The following SLC22A7 variants were observed in gnomAD, a reference collection of about 807,000 sequenced individuals.
SLC22A7 encodes the protein hOAT2.
Under a neutral mutation model 62.2 loss-of-function variants are expected in SLC22A7, and 48 were observed. That is an observed-to-expected ratio of 0.77 (90% confidence interval 0.61 to 0.98). The LOEUF (loss-of-function observed/expected upper bound fraction) is 0.98. Among genes scored for constraint, SLC22A7 ranks in the 50% least tolerant of loss-of-function variants. SLC22A7 has a pLI of 0.00. For synonymous variants in SLC22A7, 276 were observed against 314.8 expected, an observed-to-expected ratio of 0.88 and a Z score of 1.30; for missense variants, 581 against 703.8, an observed-to-expected ratio of 0.83 and a Z score of 1.97.
intron 9 of SLC22A7, among the ~76,000 whole-genome samples, chr6:43,303,619 TG>T (rs1034469948): frequency 4.0e-5 from 6 of 151,806 alleles, no homozygotes; most frequent in South Asian, 2.1e-4. Flanking sequence ...GGCCCGGGGT[TG>T]GGGGGGTCTT....
chr6:43,299,889 C>T lies in SLC22A7; in HGVS notation c.659-9C>T, dbSNP rs775219191. On this transcript the variant is annotated splice_polypyrimidine_tract_variant and intron_variant, in intron 4 of 10. Transcript: ENST00000372585. This position sits in a 1 kb window ranked among gnomAD's most constrained non-coding sequence, Gnocchi z 4.4. The stretch of plus-strand genomic sequence containing the variant: ...ACTAACCATCTTCCTGTCTCCTGTC[C>T]TGGCCCAGAGCTGGAGTGGCTGGAT... The T allele has an allele frequency of 3.1e-6, 5 of 1,614,048 alleles. No individual in the cohort carries two copies. The African/African-American group carries it at 5.3e-5, about 17-fold the overall frequency.
intron 6 of SLC22A7, 77 bp from the exon 7 acceptor site, chr6:43,301,506 G>C (rs2150733480): frequency 8.2e-7 from 1 of 1,212,150 alleles, no homozygotes; most frequent in East Asian, 2.4e-5. Context: ...ATAGAGAGGG[G>C]TGGGGGGAGA....
intron 5 of SLC22A7, chr6:43,300,331 C>G (rs1028806611): frequency 1.1e-5 from 6 of 530,964 alleles, no homozygotes; most frequent in Admixed American, 3.4e-5. Flanking sequence ...AGGCTGGCCC[C>G]TTGGAGAGTT....
chr6:43,304,360 G>C (rs750493475), intron 10 of SLC22A7, 116 bp downstream of exon 10: 35 of 933,056 alleles, frequency 3.8e-5, no homozygotes, highest in Non-Finnish European at 5.3e-5. Context: ...ATGTGTACTT[G>C]GTGCATGTAT....
chr6:43,304,785 G>A lies in SLC22A7; in HGVS notation c.*60G>A, dbSNP rs1778884214. On this transcript the variant is annotated 3_prime_UTR_variant, in exon 11 of 11. Coordinates refer to ENST00000372585, the MANE Select transcript of SLC22A7 (RefSeq NM_153320.2). ...GCAGCAGGGGCTGGGAGAGCAGAAG[G>A]GCAGGCCCTGCAACTCAGGCTGGGA... 2 of 1,365,366 alleles carry A rather than the reference G, an allele frequency of 1.5e-6. No individual in the cohort carries two copies. The highest frequency in any genetic ancestry group is 2.0e-6 in the Non-Finnish European group (2 of 1,004,658). 84.6% of individuals were successfully genotyped at this position (1,365,366 alleles called of 1,614,324 possible). A position where few individuals can be genotyped will look rare whatever the true frequency, so the allele number is the denominator to read the frequency against.
Position 43,302,489 on chromosome 6 carries a change from C to T in SLC22A7, c.1276+75C>T. On this transcript the variant is annotated intron_variant, in intron 8 of 10. Coordinates refer to ENST00000372585, the MANE Select transcript of SLC22A7 (RefSeq NM_153320.2). This position sits in a 1 kb window ranked among gnomAD's most constrained non-coding sequence, Gnocchi z 5.0. ...CCCTGCCCACTCCCCGGAGACCCCA[C>T]CTCCTGGCCAAGAACCCACTCCTCC... 1 of 1,358,696 alleles carries T rather than the reference C, an allele frequency of 7.4e-7. No individual in the cohort carries two copies. Among genetic ancestry groups the T allele is most frequent in the East Asian group, 2.5e-5 (1 of 39,754 alleles). The allele number at this position is 1,358,696 out of a possible 1,614,324, so 84.2% of individuals were successfully genotyped here.
At position 43,299,329 on chromosome 6, in the gene SLC22A7, C is replaced by T; in HGVS notation, c.400-61C>T. On this transcript the variant is annotated intron_variant, in intron 2 of 10. Coordinates refer to ENST00000372585, the MANE Select transcript of SLC22A7 (RefSeq NM_153320.2). This position sits in a 1 kb window ranked among gnomAD's most constrained non-coding sequence, Gnocchi z 4.4. ...GGCTCCAGGGTCTGGAGAGGAGGAG[C>T]TGGTGCCTGCTGGAGAGGGGCTGAT... 1 of 1,609,316 alleles carries T rather than the reference C, an allele frequency of 6.2e-7. No individual in the cohort carries two copies. Among genetic ancestry groups the T allele is most frequent in the South Asian group, 1.1e-5 (1 of 90,574 alleles).
At position 43,301,588 on chromosome 6, in the gene SLC22A7, G is replaced by A. The variant is rs962152036; in HGVS notation, c.957G>A (p.Val319=). The change falls in exon 7 of 11, where the codon GTG becomes GTA. Residue 319 remains valine, a synonymous_variant. Coordinates refer to ENST00000372585, the MANE Select transcript of SLC22A7 (RefSeq NM_153320.2). ...CTCACCTCCTTCCCTACCAGGCTGT[G>A]AGCAAAGTGGCCGCCGGGGAACGGG... ...VCEDSFSQEA[V]SKVAAGERVV... is the part of the protein sequence containing the mutation. 5.6e-6 allele frequency: 9 copies of A among 1,613,910 alleles called. No individual in the cohort carries two copies. Among genetic ancestry groups the A allele is most frequent in the East Asian group, 4.5e-5 (2 of 44,888 alleles).
At chr6:43,303,110 C>T in intron 9 of SLC22A7, 3 of 985,362 alleles carry the variant, frequency 3.0e-6, no homozygotes, top group African/African-American at 1.7e-5. Flanking sequence ...AGCATCTTAT[C>T]TTCTGTACTA....
rs769420019 is a variant in SLC22A7 at position 43,299,944 on chromosome 6, G to A, written c.705G>A (p.Leu235=). Residue 235 remains leucine (L), a synonymous_variant, in exon 5 of 11, where the codon CTG becomes CTA. Transcript: ENST00000372585. The surrounding 1 kb of genome is among the most constrained non-coding windows in gnomAD (Gnocchi z 4.4). ...DVEHRTVAGV[L]SSTFWTGGVM... ...AGCACCGCACCGTGGCTGGAGTCCT[G>A]AGCAGCACCTTCTGGACAGGGGGCG... 1 of 1,614,176 alleles carries A rather than the reference G, an allele frequency of 6.2e-7. No individual in the cohort carries two copies. Among genetic ancestry groups the A allele is most frequent in the East Asian group, 2.2e-5 (1 of 44,884 alleles).
Position 43,299,077 on chromosome 6 carries a change from C to A in SLC22A7, c.394-15C>A. ...AAACAATAGAGGCCTTCTTTTCTCC[C>A]TTCCTCTTTTCCAGTCCCAGGTCGG... On this transcript the variant is annotated splice_polypyrimidine_tract_variant and intron_variant, in intron 1 of 10. Transcript: ENST00000372585. This position sits in a 1 kb window ranked among gnomAD's most constrained non-coding sequence, Gnocchi z 4.4. 5.7e-6 allele frequency: 9 copies of A among 1,587,536 alleles called. No individual in the cohort carries two copies. The highest frequency in any genetic ancestry group is 7.7e-6 in the Non-Finnish European group (9 of 1,166,884).
Position 43,299,273 on chromosome 6 carries a change from A to G in SLC22A7, c.400-117A>G. The G allele has an allele frequency of 5.0e-6, 8 of 1,602,786 alleles. No individual in the cohort carries two copies. Among genetic ancestry groups the G allele is most frequent in the Non-Finnish European group, 6.8e-6 (8 of 1,174,170 alleles). On this transcript the variant is annotated intron_variant, in intron 2 of 10. Coordinates refer to ENST00000372585, the MANE Select transcript of SLC22A7 (RefSeq NM_153320.2). This position sits in a 1 kb window ranked among gnomAD's most constrained non-coding sequence, Gnocchi z 4.4. The stretch of plus-strand genomic sequence containing the variant: ...TTGGGAGGTTTATTATCTGGCATGG[A>G]GGTACCAGAATGGCAGAGTTCGCCT...
At chr6:43,296,330 C>T (rs562435539), upstream of SLC22A7, among the ~76,000 whole-genome samples, 11 of 152,330 alleles carry the variant, frequency 7.2e-5, no homozygotes, top group Middle Eastern at 3.4e-3. Flanking sequence ...AAAACTAAGT[C>T]GTCACAGCCA....
Position 43,304,053 on chromosome 6 carries a change from G to T in SLC22A7, c.1401G>T (p.Gly467=). The T allele has an allele frequency of 6.4e-7, 1 of 1,573,262 alleles. No individual in the cohort carries two copies. ...CTCTGAACAGACAGACAGGGATGGGGCTGACTGCACTGGTGGGCCGGCTGG... is the reference window on the plus strand; with the variant it reads ...CTCTGAACAGACAGACAGGGATGGGTCTGACTGCACTGGTGGGCCGGCTGG... ...YPTVLRQTGM[G]LTALVGRLGG... is the part of the protein sequence containing the mutation. Residue 467 remains glycine (G), a synonymous_variant, in exon 10 of 11, where the codon GGG becomes GGT. Coordinates refer to ENST00000372585, the MANE Select transcript of SLC22A7 (RefSeq NM_153320.2).
chr6:43,304,506 A>G, intron 10 of SLC22A7, 165 bp from the exon 11 acceptor site: 1 of 621,628 alleles, frequency 1.6e-6, no homozygotes, highest in Non-Finnish European at 2.9e-6. Context: ...ACACTCAAGT[A>G]TGCCTACACA....
chr6:43,303,043 C>T, intron 9 of SLC22A7: 2 of 884,288 alleles, frequency 2.3e-6, no homozygotes, highest in Non-Finnish European at 2.7e-6. Context: ...CACACTACAC[C>T]CAGAATACAG....
Position 43,298,629 on chromosome 6 carries a change from A to AAC in SLC22A7, c.274_275dup (p.Thr93ProfsTer52). 1 of 1,596,486 alleles carries AAC rather than the reference A, an allele frequency of 6.3e-7. No individual in the cohort carries two copies. On this transcript the variant is annotated frameshift_variant, in exon 1 of 11. Transcript: ENST00000372585. LOFTEE classifies it high-confidence loss of function. ...CTTTGCCTATCCCCAGGCTCTCCCC[A>AAC]ACACCACGTTGGGGGAAGAAAGGCA...
At chr6:43,304,292 G>A (rs1778864782) in intron 10 of SLC22A7, 48 bp downstream of exon 10, 1 of 1,411,204 alleles carries the variant, frequency 7.1e-7, no homozygotes, top group Admixed American at 2.5e-5. Context: ...CATGCATATG[G>A]ATGCAGGTGC....
rs1333537840 is a variant in SLC22A7, at chr6:43,298,470, C to G, written c.112C>G (p.Pro38Ala). The G allele has an allele frequency of 6.2e-7, 1 of 1,613,830 alleles. No individual in the cohort carries two copies. Among genetic ancestry groups the G allele is most frequent in the Admixed American group, 1.7e-5 (1 of 60,024 alleles). Residue 38 changes from proline to alanine, a missense_variant, in exon 1 of 11, where the codon CCC becomes GCC. Transcript: ENST00000372585. The part of the protein sequence containing the change: ...RVLLPLHFLL[P>A]IFLAAVPAHR... ...GCTGCTACCACTGCACTTCCTCCTG[C>G]CCATCTTCCTGGCTGCCGTGCCTGC...
Sources: gnomAD v4.1 joint callset for allele counts (sites outside exome capture counted in the v4.1 genomes callset) on GRCh38, gnomAD v4.1.1 for gene constraint, Gnocchi (gnomAD v3.1) non-coding constraint, MANE v1.5 for transcripts, NCBI Gene and HGNC (gene_info 2026-07-23, HGNC 2026-07-21) for gene names.